Variants in FCHSD2 observed in about 807,000 individuals in gnomAD.
The protein encoded by FCHSD2 is FCH and double SH3 domains 2.
In FCHSD2, 38 loss-of-function variants were observed where a neutral mutation model predicts 108.1. The observed-to-expected ratio is 0.35, with a 90% CI of 0.27 to 0.46. The LOEUF is 0.46. FCHSD2 is among the 20% of genes least tolerant of loss of function. The pLI is 1.00. For missense variants in FCHSD2, 751 were observed against 897.8 expected (o/e 0.84, Z 2.09); for synonymous variants, 279 against 314.7 (o/e 0.89, Z 1.20).
intron 10 of FCHSD2, among the ~76,000 whole-genome samples, 157 bp downstream of exon 10, chr11:72,902,386 A>G (rs940624061): frequency 2.6e-5 from 4 of 151,772 alleles, no homozygotes; most frequent in African/African-American, 4.8e-5. Flanking sequence ...CACAATTCAG[A>G]AAAAAAAAGT....
At position 72,888,432 on chromosome 11, in the gene FCHSD2, A is replaced by T. The variant is rs543803411; in HGVS notation, c.1042-858T>A. ...GGAAAGCTCAAATGTAATGGGCTAA[A>T]AAGTAAGTGGGAGGTGAGATTCTAT... On this transcript the variant is annotated intron_variant, in intron 11 of 19. Coordinates refer to ENST00000409418, the MANE Select transcript of FCHSD2 (RefSeq NM_014824.3). Among the ~76,000 whole-genome samples the T allele has an allele frequency of 1.4e-4, 21 of 152,320 alleles. No homozygotes were observed. In the South Asian group the frequency reaches 3.7e-3, roughly 27 times the overall value.
intron 8 of FCHSD2, among the ~76,000 whole-genome samples, chr11:72,957,441 C>T (rs991132167): frequency 3.3e-5 from 5 of 150,388 alleles, no homozygotes; most frequent in Non-Finnish European, 7.4e-5. Flanking sequence ...CATTGTTGGA[C>T]ATTTGGGTTG....
chr11:72,865,615 C>G (rs1374750453), intron 13 of FCHSD2, among the ~76,000 whole-genome samples: 2 of 152,136 alleles, frequency 1.3e-5, no homozygotes, highest in Admixed American at 1.3e-4. Context: ...TTCTTTATCT[C>G]CTGTTAAAAT....
At chr11:73,016,639 T>C (rs1039710047) in intron 3 of FCHSD2, among the ~76,000 whole-genome samples, 2 of 152,196 alleles carry the variant, frequency 1.3e-5, no homozygotes, top group Non-Finnish European at 2.9e-5. Context: ...ACAAATTCAA[T>C]TTGAAGTAGA....
chr11:73,136,981 T>C (rs1037780008), intron 2 of FCHSD2, among the ~76,000 whole-genome samples: 17 of 152,092 alleles, frequency 1.1e-4, no homozygotes, highest in Non-Finnish European at 1.3e-4. Flanking sequence ...TAAGCTGAGA[T>C]TGCACCACTG....
At chr11:72,915,662 A>G (rs1015442135) in intron 9 of FCHSD2, among the ~76,000 whole-genome samples, 1 of 152,066 alleles carries the variant, frequency 6.6e-6, no homozygotes, top group African/African-American at 2.4e-5. Context: ...CTACAAAAAT[A>G]CAAAAATTAG....
At chr11:73,108,775 G>C (rs916129354) in intron 2 of FCHSD2, among the ~76,000 whole-genome samples, 7 of 152,118 alleles carry the variant, frequency 4.6e-5, no homozygotes, top group African/African-American at 1.7e-4. Context: ...GTTTCACCTT[G>C]TTAGCCAGGA....
intron 9 of FCHSD2, among the ~76,000 whole-genome samples, chr11:72,914,963 A>ATTT (rs144998272): frequency 0.27 from 32,331 of 120,212 alleles, 5,038 homozygotes; most frequent in South Asian, 0.38. Context: ...CAGAATGGGA[A>ATTT]TTTTTTTTTT....
intron 8 of FCHSD2, among the ~76,000 whole-genome samples, chr11:72,959,774 C>G (rs1856787463): frequency 6.6e-6 from 1 of 151,618 alleles, no homozygotes; most frequent in South Asian, 2.1e-4. Flanking sequence ...CAACTGAGAT[C>G]AAGACAGATC....
At chr11:73,075,649 T>C (rs1411114108) in intron 3 of FCHSD2, among the ~76,000 whole-genome samples, 2 of 151,776 alleles carry the variant, frequency 1.3e-5, no homozygotes, top group Non-Finnish European at 2.9e-5. Context: ...AACCCATCTC[T>C]ACTAAAAATA....
At chr11:73,086,918 C>A (rs1471591767) in intron 2 of FCHSD2, among the ~76,000 whole-genome samples, 1 of 152,046 alleles carries the variant, frequency 6.6e-6, no homozygotes, top group East Asian at 1.9e-4. Flanking sequence ...ATGGATGAAC[C>A]TTAAGAATAT....
In FCHSD2 at chr11:73,039,505, A is replaced by G. The variant is rs965042434; in HGVS notation, c.166-23620T>C. Among the ~76,000 whole-genome samples the G allele has an allele frequency of 2.9e-4, 42 of 145,044 alleles. 1 individual carries two copies. The highest frequency in any genetic ancestry group is 2.8e-3 in the Admixed American group (40 of 14,122). On this transcript the variant is annotated intron_variant, in intron 3 of 19. Transcript: ENST00000409418. ...GCATTCCAGCCTGGGCAACAGAGAG[A>G]GACTCCGTCTCCAAAAAAAAAAAGA...
At chr11:73,030,065 A>C (rs1418123732) in intron 3 of FCHSD2, among the ~76,000 whole-genome samples, 1 of 152,210 alleles carries the variant, frequency 6.6e-6, no homozygotes, top group Non-Finnish European at 1.5e-5. Context: ...CATACAAAGA[A>C]ATAGGTAAGA....
At chr11:72,977,229 A>C (rs1857120868) in intron 8 of FCHSD2, among the ~76,000 whole-genome samples, 1 of 152,146 alleles carries the variant, frequency 6.6e-6, no homozygotes, top group African/African-American at 2.4e-5. Flanking sequence ...GCCCAAAACT[A>C]TTAAAATAAA....
chr11:73,105,197 G>A (rs970135140), intron 2 of FCHSD2, among the ~76,000 whole-genome samples: 2 of 152,156 alleles, frequency 1.3e-5, no homozygotes, highest in African/African-American at 2.4e-5. Flanking sequence ...TAGGTGGGGG[G>A]AAGACTTAGG....
At position 72,917,131 on chromosome 11, in the gene FCHSD2, C is replaced by T. The variant is rs1398521611; in HGVS notation, c.828+4697G>A. On this transcript the variant is annotated intron_variant, in intron 9 of 19. Transcript: ENST00000409418. ...TCCCAAGCAGCTGGGACTACAGGCACCCACCACCACGCCCAGCCAATTTTT... is the reference window on the plus strand; with the variant it reads ...TCCCAAGCAGCTGGGACTACAGGCATCCACCACCACGCCCAGCCAATTTTT... 2.6e-5 allele frequency among the ~76,000 whole-genome samples: 4 copies of T among 151,952 alleles called. No individual in the cohort carries two copies. In the East Asian group the frequency reaches 7.7e-4, roughly 29 times the overall value.
At chr11:73,082,335 C>CAAAAAAAAAAAAAAAAAAA (rs750423401) in intron 3 of FCHSD2, among the ~76,000 whole-genome samples, 3 of 34,462 alleles carry the variant, frequency 8.7e-5, no homozygotes, top group Non-Finnish European at 1.1e-4. Context: ...AGACTTGTCC[C>CAAAAAAAAAAAAAAAAAAA]AAAAAAAAAA....
chr11:73,041,446 C>T (rs1233343651), intron 3 of FCHSD2, among the ~76,000 whole-genome samples: 2 of 152,108 alleles, frequency 1.3e-5, no homozygotes, highest in African/African-American at 4.8e-5. Flanking sequence ...GATGATATCT[C>T]ATTGTGGTTT....
At chr11:72,848,400 G>C (rs1440767667) in intron 14 of FCHSD2, among the ~76,000 whole-genome samples, 1 of 152,086 alleles carries the variant, frequency 6.6e-6, no homozygotes, top group Non-Finnish European at 1.5e-5. Context: ...CCTTCTCACT[G>C]CATCTAGAAA....
Sources: gnomAD v4.1 joint callset for allele counts (sites outside exome capture counted in the v4.1 genomes callset) on GRCh38, gnomAD v4.1.1 for gene constraint, MANE v1.5 for transcripts, NCBI Gene and HGNC (gene_info 2026-07-23, HGNC 2026-07-21) for gene names.